The following BCL2 variants were observed in gnomAD, a reference collection of about 807,000 sequenced individuals.
The protein encoded by BCL2 is apoptosis regulator Bcl-2.
In BCL2, 1 loss-of-function variant was observed where a neutral mutation model predicts 14.2. That is an observed-to-expected ratio of 0.07 (90% CI 0.02 to 0.33). The LOEUF is 0.33. Ranked by LOEUF, BCL2 falls within the 10% of genes least tolerant of loss-of-function variation. The pLI is 0.99. For missense variants in BCL2, 247 were observed against 305.9 expected (o/e 0.81, Z 1.44); for synonymous variants, 151 against 137.2 (o/e 1.10, Z -0.70).
intron 2 of BCL2, among the ~76,000 whole-genome samples, chr18:63,199,192 C>T (rs545100288): frequency 4.4e-4 from 64 of 144,924 alleles, no homozygotes; most frequent in Non-Finnish European, 8.0e-4. Context: ...TACACAGACA[C>T]GCACAACACA....
intron 2 of BCL2, among the ~76,000 whole-genome samples, chr18:63,146,569 G>A (rs1914519254): frequency 6.6e-6 from 1 of 152,224 alleles, no homozygotes; most frequent in Non-Finnish European, 1.5e-5. Context: ...CAACTGGAGA[G>A]GGATTTGTGT....
chr18:63,168,091 C>T (rs977512550), intron 2 of BCL2, among the ~76,000 whole-genome samples: 1 of 152,096 alleles, frequency 6.6e-6, no homozygotes, highest in Non-Finnish European at 1.5e-5. Flanking sequence ...TGATTGTTGC[C>T]ATCTGGCTGG....
In BCL2 at chr18:63,125,482, T is replaced by A. The variant is rs1419617890; in HGVS notation, c.*3143A>T. The A allele has an allele frequency of 1.4e-5, 3 of 218,862 alleles. No individual in the cohort carries two copies. Among genetic ancestry groups the A allele is most frequent in the African/African-American group, 2.2e-5 (1 of 44,572 alleles). The allele number at this position is 218,862 out of a possible 1,614,324, so 13.6% of individuals were successfully genotyped here. A position where few individuals can be genotyped will look rare whatever the true frequency, so the allele number is the denominator to read the frequency against. On this transcript the variant is annotated 3_prime_UTR_variant, in exon 3 of 3. Transcript: ENST00000333681. ...TGTTCTTCTCCTTTTGGGGCTTTTT[T>A]TAGAGCCCTTGTCCCCAATTTGGAA...
Position 63,146,122 on chromosome 18 carries a change from T to G in BCL2, c.586-17363A>C, listed in dbSNP as rs4987820. 2.8e-3 allele frequency among the ~76,000 whole-genome samples: 424 copies of G among 152,306 alleles called. 1 individual carries two copies. Among genetic ancestry groups the G allele is most frequent in the African/African-American group, 9.4e-3 (390 of 41,560 alleles). ...TGTCTTGCATTTTATCAGCTGAAGT[T>G]CATTCCTCAGCTCCGATCCCCACAA... On this transcript the variant is annotated intron_variant, in intron 2 of 2. Transcript: ENST00000333681.
chr18:63,247,424 C>T (rs1440610035), intron 2 of BCL2, among the ~76,000 whole-genome samples: 1 of 151,312 alleles, frequency 6.6e-6, no homozygotes, highest in Non-Finnish European at 1.5e-5. Flanking sequence ...TCTTGAACTC[C>T]TGATCTCAGG....
At chr18:63,202,121 G>A (rs1287512214) in intron 2 of BCL2, among the ~76,000 whole-genome samples, 2 of 151,860 alleles carry the variant, frequency 1.3e-5, no homozygotes, top group African/African-American at 2.4e-5. Flanking sequence ...CCAGCCTGGC[G>A]AACATGGTGA....
intron 2 of BCL2, among the ~76,000 whole-genome samples, chr18:63,286,470 C>T (rs78449132): frequency 8.1e-4 from 123 of 152,068 alleles, no homozygotes; most frequent in African/African-American, 2.5e-3. Flanking sequence ...AGGAGTTGAA[C>T]GTAGCTGGGA....
intron 2 of BCL2, among the ~76,000 whole-genome samples, chr18:63,177,343 T>C (rs1430573519): frequency 6.6e-6 from 1 of 152,190 alleles, no homozygotes; most frequent in African/African-American, 2.4e-5. Context: ...TTTACAAAAT[T>C]CACTTCTACC....
intron 2 of BCL2, among the ~76,000 whole-genome samples, chr18:63,278,954 C>T (rs1171464803): frequency 1.7e-4 from 26 of 152,088 alleles, no homozygotes; most frequent in Non-Finnish European, 3.8e-4. Flanking sequence ...TGTCTTCCCC[C>T]AGTAAATGTG....
rs1555697353 is a variant in BCL2 at position 63,169,336 on chromosome 18, C to CCTTCCTTCCTTTCTTTCTTTCTTT, written c.586-40578_586-40577insAAAGAAAGAAAGAAAGGAAGGAAG. On this transcript the variant is annotated intron_variant, in intron 2 of 2. Transcript: ENST00000333681. ...CCTTCCTTCCTTCTTTCCTTTCCTT[C>CCTTCCTTCCTTTCTTTCTTTCTTT]CTTTCTTTCTTTCTTTCTTTCTTTC... Among the ~76,000 whole-genome samples, 12 of 62,054 alleles carry CCTTCCTTCCTTTCTTTCTTTCTTT rather than the reference C, an allele frequency of 1.9e-4. 1 individual carries two copies. Among genetic ancestry groups the CCTTCCTTCCTTTCTTTCTTTCTTT allele is most frequent in the Non-Finnish European group, 3.6e-4 (12 of 33,292 alleles). The allele number at this position is 62,054 out of a possible 152,430, so 40.7% of individuals were successfully genotyped here.
intron 2 of BCL2, among the ~76,000 whole-genome samples, chr18:63,185,400 T>G (rs1019102503): frequency 6.6e-6 from 1 of 152,182 alleles, no homozygotes; most frequent in African/African-American, 2.4e-5. Context: ...GTGCTTGACA[T>G]ACAGAGATGC....
intron 2 of BCL2, among the ~76,000 whole-genome samples, chr18:63,208,533 G>A (rs750397401): frequency 3.9e-5 from 6 of 152,260 alleles, no homozygotes; most frequent in South Asian, 2.1e-4. Context: ...AGGGAACAGC[G>A]TGGATAAAGG....
chr18:63,159,347 C>T (rs556789831), intron 2 of BCL2, among the ~76,000 whole-genome samples: 10 of 152,328 alleles, frequency 6.6e-5, no homozygotes, highest in Admixed American at 1.3e-4. Context: ...AACATTAACT[C>T]TGTTTTCTTA....
intron 2 of BCL2, among the ~76,000 whole-genome samples, chr18:63,289,336 C>T (rs1391423472): frequency 6.6e-6 from 1 of 152,082 alleles, no homozygotes; most frequent in East Asian, 1.9e-4. Flanking sequence ...TCACTCCCAA[C>T]AGGGATACTG....
intron 2 of BCL2, among the ~76,000 whole-genome samples, chr18:63,136,823 G>T (rs1197775866): frequency 6.6e-6 from 1 of 152,240 alleles, no homozygotes; most frequent in African/African-American, 2.4e-5. Flanking sequence ...TGTCACAGGT[G>T]AAGTACCAAT....
At chr18:63,310,373 C>T (rs897234299) in intron 2 of BCL2, among the ~76,000 whole-genome samples, 4 of 152,234 alleles carry the variant, frequency 2.6e-5, no homozygotes, top group South Asian at 2.1e-4. Flanking sequence ...CCTGCTTTGA[C>T]GCCTCCAGTT....
intron 2 of BCL2, among the ~76,000 whole-genome samples, chr18:63,220,291 G>T (rs1258706321): frequency 6.6e-6 from 1 of 152,116 alleles, no homozygotes; most frequent in Non-Finnish European, 1.5e-5. Context: ...AGCATGTTAG[G>T]GAAAGTCCCA....
intron 2 of BCL2, among the ~76,000 whole-genome samples, chr18:63,163,492 A>G (rs1413764459): frequency 6.6e-6 from 1 of 152,254 alleles, no homozygotes; most frequent in African/African-American, 2.4e-5. Context: ...AGATTGAAAC[A>G]AATATTATTT....
Position 63,126,940 on chromosome 18 carries a change from A to G in BCL2, c.*1685T>C. The G allele has an allele frequency of 4.4e-6, 1 of 227,124 alleles. No homozygotes were observed. Among genetic ancestry groups the G allele is most frequent in the Non-Finnish European group, 8.8e-6 (1 of 113,894 alleles). The allele number at this position is 227,124 out of a possible 1,614,324, so 14.1% of individuals were successfully genotyped here. ...ACAGAGTTATTCCATCAATGTTTCA[A>G]GGCTGATTCTAAACTGGAAGAAAAA... On this transcript the variant is annotated 3_prime_UTR_variant, in exon 3 of 3. Coordinates refer to ENST00000333681, the MANE Select transcript of BCL2 (RefSeq NM_000633.3).
Sources: gnomAD v4.1 joint callset for allele counts (sites outside exome capture counted in the v4.1 genomes callset) on GRCh38, gnomAD v4.1.1 for gene constraint, MANE v1.5 for transcripts, NCBI Gene and HGNC (gene_info 2026-07-23, HGNC 2026-07-21) for gene names.